KIF13A: variants seen among roughly 807,000 people sequenced by gnomAD.
KIF13A encodes kinesin family member 13A.
In KIF13A, 79 loss-of-function variants were observed where a neutral mutation model predicts 212.2. The ratio of observed to expected loss-of-function variants is 0.37; its 90% CI spans 0.31 to 0.45. The LOEUF (loss-of-function observed/expected upper bound fraction) is 0.45, where lower values mean the gene tolerates loss of function less well. Among genes scored for constraint, KIF13A ranks in the 20% least tolerant of loss-of-function variants. KIF13A has a pLI of 1.00. For missense variants in KIF13A, 1,901 were observed against 2,209.0 expected (o/e 0.86, Z 2.79); for synonymous variants, 789 against 808.6 (o/e 0.98, Z 0.41).
intron 2 of KIF13A, among the ~76,000 whole-genome samples, chr6:17,966,231 A>G (rs1779295444): frequency 6.6e-6 from 1 of 152,168 alleles, no homozygotes; most frequent in South Asian, 2.1e-4. Context: ...GAAAATTGTC[A>G]AAGTCAACTC....
rs1767557655 is a variant in KIF13A, at chr6:17,850,709, C to T, written c.583-252G>A. 6.6e-6 allele frequency among the ~76,000 whole-genome samples: 1 copy of T among 152,152 alleles called. No homozygotes were observed. Among genetic ancestry groups the T allele is most frequent in the Non-Finnish European group, 1.5e-5 (1 of 68,024 alleles). ...TTTCTCAGTTGAGTCCCTATTTTCT[C>T]CTTTTTGGGTTCCTGGGATAGCTAA... On this transcript the variant is annotated intron_variant, in intron 7 of 38. Coordinates refer to ENST00000259711, the MANE Select transcript of KIF13A (RefSeq NM_022113.6). The surrounding 1 kb of genome is among the most constrained non-coding windows in gnomAD (Gnocchi z 6.2).
At chr6:17,846,026 GT>G (rs1767000970) in intron 9 of KIF13A, among the ~76,000 whole-genome samples, 1 of 117,212 alleles carries the variant, frequency 8.5e-6, no homozygotes, top group African/African-American at 3.1e-5. Context: ...GATTTCTTTA[GT>G]TTTGGAACTC....
chr6:17,942,102 A>G (rs1777004153), intron 2 of KIF13A, among the ~76,000 whole-genome samples: 2 of 151,920 alleles, frequency 1.3e-5, no homozygotes, highest in Admixed American at 1.3e-4. Context: ...AGAGTTCAAG[A>G]CCAGCCTGGA....
Position 17,789,918 on chromosome 6 carries a change from GA to G in KIF13A, c.3223-9del. ...ACCATCCTCATCATCTCTCTGGTAG[GA>G]AAAAATAAACACAAAGGACAAGCAT... On this transcript the variant is annotated splice_polypyrimidine_tract_variant and intron_variant, in intron 25 of 38. Coordinates refer to ENST00000259711, the MANE Select transcript of KIF13A (RefSeq NM_022113.6). The surrounding 1 kb of genome is among the most constrained non-coding windows in gnomAD (Gnocchi z 4.8). 1 of 1,610,858 alleles carries G rather than the reference GA, an allele frequency of 6.2e-7. No homozygotes were observed. The highest frequency in any genetic ancestry group is 8.5e-7 in the Non-Finnish European group (1 of 1,177,858).
Position 17,817,517 on chromosome 6 carries a change from T to C in KIF13A, c.1787-284A>G, listed in dbSNP as rs921550839. 5.9e-5 allele frequency among the ~76,000 whole-genome samples: 9 copies of C among 152,202 alleles called. No individual in the cohort carries two copies. In the South Asian group the frequency reaches 6.2e-4, roughly 10 times the overall value. On this transcript the variant is annotated intron_variant, in intron 16 of 38. Coordinates refer to ENST00000259711, the MANE Select transcript of KIF13A (RefSeq NM_022113.6). ...ACGTTTAGATAAATCATTAACCTAC[T>C]ACCAGCAGATGGGGGAAGAGAGAGG...
At chr6:17,853,005 C>T (rs568440906) in intron 6 of KIF13A, among the ~76,000 whole-genome samples, 2 of 152,184 alleles carry the variant, frequency 1.3e-5, no homozygotes, top group South Asian at 4.2e-4. Flanking sequence ...ATATACTGAC[C>T]ATATTGTGCA....
At position 17,836,996 on chromosome 6, in the gene KIF13A, G is replaced by A. The variant is rs764098650; in HGVS notation, c.1037C>T (p.Ala346Val). ...YEETLSTLRYADRAKRIVNHA... is the reference protein window; with the variant it reads ...YEETLSTLRYVDRAKRIVNHA... ...GTTCACAATCCTTTTGGCTCGGTCT[G>A]CATATCTTAATGTGGAGAGGGTCTC... Residue 346 changes from alanine to valine, a missense_variant, in exon 11 of 39, where the codon GCA becomes GTA. By Grantham distance (64) the Ala-to-Val change is moderately conservative. This residue lies in a region of KIF13A where 506 missense variants were observed against 637.4 expected (regional missense o/e 0.79). Coordinates refer to ENST00000259711, the MANE Select transcript of KIF13A (RefSeq NM_022113.6). 6.2e-7 allele frequency: 1 copy of A among 1,613,954 alleles called. No individual in the cohort carries two copies. Among genetic ancestry groups the A allele is most frequent in the Non-Finnish European group, 8.5e-7 (1 of 1,179,870 alleles).
Position 17,895,663 on chromosome 6 carries a change from G to T in KIF13A, c.159+2505C>A, listed in dbSNP as rs2150478292. 6.6e-6 allele frequency among the ~76,000 whole-genome samples: 1 copy of T among 152,302 alleles called. No individual in the cohort carries two copies. Among genetic ancestry groups the T allele is most frequent in the African/African-American group, 2.4e-5 (1 of 41,562 alleles). ...ACTTTGTCCTCCTCAGCCCCACAAA[G>T]CAGTCAGCAATATGCATTTGCTCTG... On this transcript the variant is annotated intron_variant, in intron 3 of 38. Coordinates refer to ENST00000259711, the MANE Select transcript of KIF13A (RefSeq NM_022113.6). This position sits in a 1 kb window ranked among gnomAD's most constrained non-coding sequence, Gnocchi z 4.4.
At chr6:17,852,819 A>G (rs1027322364) in intron 6 of KIF13A, among the ~76,000 whole-genome samples, 3 of 152,216 alleles carry the variant, frequency 2.0e-5, no homozygotes, top group African/African-American at 7.2e-5. Flanking sequence ...TTTTATACAG[A>G]AAGTGAGATT....
chr6:17,928,302 A>G (rs1006470754), intron 2 of KIF13A, among the ~76,000 whole-genome samples: 1 of 152,206 alleles, frequency 6.6e-6, no homozygotes, highest in Non-Finnish European at 1.5e-5. Context: ...TAAAATGTTC[A>G]AAGTACTCCA....
rs1766117034 is a variant in KIF13A, at chr6:17,837,861, G to C, written c.831-278C>G. The stretch of plus-strand genomic sequence containing the variant: ...CCAGCTACTTGGGAGGCTGAAGCAG[G>C]AGAATCTCTGGAACCCGGGAGTTAG... On this transcript the variant is annotated intron_variant, in intron 9 of 38. Transcript: ENST00000259711. This position sits in a 1 kb window ranked among gnomAD's most constrained non-coding sequence, Gnocchi z 5.4. 6.6e-6 allele frequency among the ~76,000 whole-genome samples: 1 copy of C among 152,116 alleles called. No homozygotes were observed. Among genetic ancestry groups the C allele is most frequent in the Admixed American group, 6.5e-5 (1 of 15,280 alleles).
rs1482199638 is a variant in KIF13A, at chr6:17,963,423, A to AT, written c.146+23630_146+23631insA. On this transcript the variant is annotated intron_variant, in intron 2 of 38. Coordinates refer to ENST00000259711, the MANE Select transcript of KIF13A (RefSeq NM_022113.6). The surrounding 1 kb of genome is among the most constrained non-coding windows in gnomAD (Gnocchi z 4.1). ...ACAAGAGCAAAACTCCAACTCAAAA[A>AT]AAATAAATAAATAAAAATAGAAGAG... 1.3e-5 allele frequency among the ~76,000 whole-genome samples: 2 copies of AT among 152,232 alleles called. No individual in the cohort carries two copies. Among genetic ancestry groups the AT allele is most frequent in the African/African-American group, 4.8e-5 (2 of 41,460 alleles).
At chr6:17,807,242 C>T (rs1007536535) in intron 18 of KIF13A, among the ~76,000 whole-genome samples, 1 of 152,048 alleles carries the variant, frequency 6.6e-6, no homozygotes, top group African/African-American at 2.4e-5. Flanking sequence ...ACAAAAAGAG[C>T]CATATTTTTC....
At chr6:17,940,077 C>T (rs770688975) in intron 2 of KIF13A, among the ~76,000 whole-genome samples, 3 of 146,928 alleles carry the variant, frequency 2.0e-5, no homozygotes, top group Non-Finnish European at 4.5e-5. Flanking sequence ...GATAGTCTCA[C>T]CCACCATGAC....
intron 2 of KIF13A, among the ~76,000 whole-genome samples, chr6:17,985,186 G>T (rs1005838509): frequency 2.6e-5 from 4 of 152,112 alleles, no homozygotes; most frequent in Non-Finnish European, 5.9e-5. Flanking sequence ...CCGTCAGAAG[G>T]ACAAAACACG....
chr6:17,794,543 TAAA>T lies in KIF13A; in HGVS notation c.3075+26_3075+28del. On this transcript the variant is annotated intron_variant, in intron 24 of 38. Coordinates refer to ENST00000259711, the MANE Select transcript of KIF13A (RefSeq NM_022113.6). The surrounding 1 kb of genome is among the most constrained non-coding windows in gnomAD (Gnocchi z 4.1). ...TAAGAGTGGAACAGAGAGAAAACAT[TAAA>T]AAAAAACCCAAAACAAACTCAGTAC... 2 of 1,551,652 alleles carry T rather than the reference TAAA, an allele frequency of 1.3e-6. No individual in the cohort carries two copies. Among genetic ancestry groups the T allele is most frequent in the Non-Finnish European group, 1.7e-6 (2 of 1,146,322 alleles).
chr6:17,958,876 CTTTTTTTTTTT>C (rs398000716), intron 2 of KIF13A, among the ~76,000 whole-genome samples: 6 of 83,086 alleles, frequency 7.2e-5, no homozygotes, highest in South Asian at 4.9e-4. Context: ...TTTTCTTTTT[CTTTTTTTTTTT>C]TTTTTTTTTT....
rs1362612454 is a variant in KIF13A, at chr6:17,834,332, CATTTAAAGCCCTAA to C, written c.1156-275_1156-262del. Among the ~76,000 whole-genome samples, 1 of 152,190 alleles carries C rather than the reference CATTTAAAGCCCTAA, an allele frequency of 6.6e-6. No homozygotes were observed. The highest frequency in any genetic ancestry group is 1.9e-4 in the East Asian group (1 of 5,202). On this transcript the variant is annotated intron_variant, in intron 11 of 38. Coordinates refer to ENST00000259711, the MANE Select transcript of KIF13A (RefSeq NM_022113.6). The surrounding 1 kb of genome is among the most constrained non-coding windows in gnomAD (Gnocchi z 4.0). ...TTTTATCCATTATACTTAAATTTCACATTTAAAGCCCTAAAAGATGCTAACGTTCAACTTTGAAA... is the reference window on the plus strand; with the variant it reads ...TTTTATCCATTATACTTAAATTTCACAAGATGCTAACGTTCAACTTTGAAA...
chr6:17,939,493 G>C (rs1561783682), intron 2 of KIF13A, among the ~76,000 whole-genome samples: 1 of 152,204 alleles, frequency 6.6e-6, no homozygotes, highest in South Asian at 2.1e-4. Flanking sequence ...ATTAGAACCA[G>C]AGTGATTCCT....
Sources: gnomAD v4.1 joint callset for allele counts (sites outside exome capture counted in the v4.1 genomes callset) on GRCh38, gnomAD v4.1.1 for gene constraint, gnomAD v4.1.1 regional missense constraint, Gnocchi (gnomAD v3.1) non-coding constraint, MANE v1.5 for transcripts, NCBI Gene and HGNC (gene_info 2026-07-23, HGNC 2026-07-21) for gene names.